The following GMPR variants were observed in gnomAD, a reference collection of about 807,000 sequenced individuals.
GMPR encodes guanosine monophosphate reductase, also known as GMP reductase 1.
GMPR carries 31 observed loss-of-function variants against 38.4 expected under a neutral mutation model. The ratio of observed to expected loss-of-function variants is 0.81; its 90% CI spans 0.61 to 1.09. GMPR has a LOEUF of 1.09. Among genes scored for constraint, GMPR ranks in the 50% least tolerant of loss-of-function variants. The probability of loss-of-function intolerance (pLI) is 0.00; values close to 1 mark genes in which losing one functional copy is unlikely to be tolerated. For missense variants in GMPR, 468 were observed against 453.7 expected (o/e 1.03, Z -0.29); for synonymous variants, 162 against 173.3 (o/e 0.93, Z 0.51).
At chr6:16,244,098 C>CT (rs767681779) in intron 1 of GMPR, among the ~76,000 whole-genome samples, 237 of 136,592 alleles carry the variant, frequency 1.7e-3, no homozygotes, top group African/African-American at 4.0e-3. Context: ...AATGAAATTG[C>CT]TTTTTTTTTT....
intron 6 of GMPR, among the ~76,000 whole-genome samples, chr6:16,279,442 G>A (rs575003612): frequency 6.6e-5 from 10 of 152,320 alleles, no homozygotes; most frequent in African/African-American, 1.9e-4. Flanking sequence ...CAGGATGTCC[G>A]CATCTTAACT....
intron 3 of GMPR, among the ~76,000 whole-genome samples, chr6:16,254,328 A>C (rs1159958063): frequency 6.6e-6 from 1 of 152,194 alleles, no homozygotes; most frequent in African/African-American, 2.4e-5. Context: ...GGCTTCCCAA[A>C]GTGCTAGGAT....
intron 8 of GMPR, among the ~76,000 whole-genome samples, chr6:16,294,027 C>T (rs1561837744): frequency 1.3e-5 from 2 of 152,166 alleles, no homozygotes; most frequent in Non-Finnish European, 2.9e-5. Flanking sequence ...AGTGAGGGGA[C>T]ATGACCTGTG....
At chr6:16,245,188 T>C (rs1758730512) in intron 1 of GMPR, among the ~76,000 whole-genome samples, 1 of 152,142 alleles carries the variant, frequency 6.6e-6, no homozygotes, top group South Asian at 2.1e-4. Flanking sequence ...CCCAGAGTCA[T>C]CAGGAAGGAG....
intron 3 of GMPR, among the ~76,000 whole-genome samples, chr6:16,252,352 C>T (rs192519168): frequency 2.6e-5 from 4 of 152,220 alleles, no homozygotes; most frequent in East Asian, 1.9e-4. Context: ...CTCCACCTCC[C>T]GGGTTCAATT....
At chr6:16,266,845 A>G (rs995373184) in intron 4 of GMPR, among the ~76,000 whole-genome samples, 1 of 151,210 alleles carries the variant, frequency 6.6e-6, no homozygotes, top group African/African-American at 2.4e-5. Flanking sequence ...TCGTGGCTTC[A>G]CTCCTGAAGT....
chr6:16,289,393 A>ACTTT (rs1759780482), intron 7 of GMPR: 1 of 152,292 alleles, frequency 6.6e-6, no homozygotes, highest in Admixed American at 6.5e-5. Flanking sequence ...GGGAATGATA[A>ACTTT]CTTTTTTTCC....
intron 4 of GMPR, among the ~76,000 whole-genome samples, chr6:16,271,467 CAA>C (rs1431317962): frequency 2.0e-5 from 3 of 152,144 alleles, no homozygotes; most frequent in African/African-American, 7.2e-5. Flanking sequence ...GTCTGGGAGA[CAA>C]GAGTGAGACC....
intron 4 of GMPR, among the ~76,000 whole-genome samples, chr6:16,261,147 G>C (rs1481414559): frequency 4.0e-5 from 6 of 151,060 alleles, no homozygotes; most frequent in Non-Finnish European, 7.4e-5. Flanking sequence ...TACAGGGTGC[G>C]GTCCTGGCTC....
chr6:16,271,443 G>A (rs1324416549), intron 4 of GMPR, among the ~76,000 whole-genome samples: 1 of 152,208 alleles, frequency 6.6e-6, no homozygotes, highest in Non-Finnish European at 1.5e-5. Flanking sequence ...CCATGTTTGT[G>A]CCATTGCACT....
intron 4 of GMPR, among the ~76,000 whole-genome samples, chr6:16,268,391 T>C (rs1341609515): frequency 1.3e-5 from 2 of 152,194 alleles, no homozygotes; most frequent in Admixed American, 6.5e-5. Flanking sequence ...CTTGGCTAAC[T>C]GCAGTCTCCG....
At chr6:16,274,295 TG>T in intron 4 of GMPR, 119 bp from the exon 5 acceptor site, 1 of 681,472 alleles carries the variant, frequency 1.5e-6, no homozygotes, top group Non-Finnish European at 2.6e-6. Flanking sequence ...GTTCCTTTTT[TG>T]TCCCCCAGCT....
At chr6:16,266,009 G>GCA (rs1759200482) in intron 4 of GMPR, among the ~76,000 whole-genome samples, 1 of 152,020 alleles carries the variant, frequency 6.6e-6, no homozygotes, top group Non-Finnish European at 1.5e-5. Flanking sequence ...CACTCACCGT[G>GCA]AAGGTCTGTG....
intron 4 of GMPR, among the ~76,000 whole-genome samples, chr6:16,260,818 CAG>C (rs1180179824): frequency 1.3e-5 from 2 of 151,786 alleles, no homozygotes; most frequent in Non-Finnish European, 2.9e-5. Context: ...TCAGGTGGAT[CAG>C]AGAGATACAG....
chr6:16,279,965 A>G (rs1206784688), intron 6 of GMPR, among the ~76,000 whole-genome samples: 1 of 152,162 alleles, frequency 6.6e-6, no homozygotes, highest in African/African-American at 2.4e-5. Flanking sequence ...AGCAGGCTTG[A>G]GAGCCATCTC....
chr6:16,266,238 A>G (rs978652289), intron 4 of GMPR, among the ~76,000 whole-genome samples: 6 of 151,512 alleles, frequency 4.0e-5, no homozygotes, highest in Non-Finnish European at 7.4e-5. Flanking sequence ...CGCGCGCACC[A>G]CCTTTAAGAG....
At chr6:16,267,338 C>T (rs558576789) in intron 4 of GMPR, among the ~76,000 whole-genome samples, 15 of 151,984 alleles carry the variant, frequency 9.9e-5, no homozygotes, top group Non-Finnish European at 1.9e-4. Context: ...CGCCACTGCA[C>T]TCCGGCCTGG....
Position 16,295,160 on chromosome 6 carries a change from C to G in GMPR, c.1012C>G (p.Gln338Glu). The G allele has an allele frequency of 6.5e-7, 1 of 1,548,932 alleles. No homozygotes were observed. Among genetic ancestry groups the G allele is most frequent in the Non-Finnish European group, 8.7e-7 (1 of 1,154,398 alleles). ...GAGGGCAACATTCATCCGGGTGACC[C>G]AGCAGCACAACACCGTGTTCAGCTA... ...SRRATFIRVT[Q>E]QHNTVFS Residue 338 changes from glutamine (Q) to glutamate (E), a missense_variant, in exon 9 of 9, where the codon CAG becomes GAG. Transcript: ENST00000259727.
chr6:16,268,838 T>C (rs1271725320), intron 4 of GMPR, among the ~76,000 whole-genome samples: 1 of 152,012 alleles, frequency 6.6e-6, no homozygotes, highest in Non-Finnish European at 1.5e-5. Context: ...GCCACTGAAC[T>C]GTACACCTAA....
Sources: allele counts gnomAD v4.1 joint callset (sites outside exome capture counted in the v4.1 genomes callset), GRCh38; gene constraint gnomAD v4.1.1; transcripts MANE v1.5; gene names NCBI Gene and HGNC (gene_info 2026-07-23, HGNC 2026-07-21).